The following PFKP variants were observed in gnomAD, a reference collection of about 807,000 sequenced individuals.
The protein encoded by PFKP is phosphofructokinase, platelet, also known as ATP-dependent 6-phosphofructokinase, platelet type.
PFKP carries 101 observed loss-of-function variants against 94.3 expected under a neutral mutation model. The ratio of observed to expected loss-of-function variants is 1.07; its 90% CI spans 0.91 to 1.26. PFKP has a LOEUF of 1.26. Ranked by LOEUF, PFKP falls within the 50% of genes most tolerant of loss-of-function variation. The probability of loss-of-function intolerance (pLI) is 0.00; values close to 1 mark genes in which losing one functional copy is unlikely to be tolerated. For synonymous variants in PFKP, 573 were observed against 432.6 expected (o/e 1.32, Z -4.03); for missense variants, 1,145 against 1,103.3 (o/e 1.04, Z -0.53).
chr10:3,101,429 C>T lies in PFKP; in HGVS notation c.329C>T (p.Ala110Val). 1 of 1,607,388 alleles carries T rather than the reference C, an allele frequency of 6.2e-7. No individual in the cohort carries two copies. Among genetic ancestry groups the T allele is most frequent in the Non-Finnish European group, 8.5e-7 (1 of 1,177,624 alleles). Residue 110 changes from alanine (A) to valine (V), a missense_variant, in exon 4 of 22, where the codon GCT becomes GTT. Physicochemically the swap from Ala to Val is moderately conservative, Grantham distance 64. Transcript: ENST00000381125. ...CGCACGCGGGAAGGCCGCCTGAAGGCTGCTTGCAACCTGCTGCAGCGCGGC... is the reference window on the plus strand; with the variant it reads ...CGCACGCGGGAAGGCCGCCTGAAGGTTGCTTGCAACCTGCTGCAGCGCGGC... Reference protein sequence around the residue: ...AFRTREGRLKAACNLLQRGIT... With the variant: ...AFRTREGRLKVACNLLQRGIT...
intron 16 of PFKP, among the ~76,000 whole-genome samples, chr10:3,125,785 A>C (rs1378924391): frequency 6.6e-6 from 1 of 152,176 alleles, no homozygotes; most frequent in African/African-American, 2.4e-5. Context: ...TGTGGTGCTG[A>C]CACCCACATG....
rs368880362 is a variant in PFKP at position 3,118,880 on chromosome 10, G to T, written c.1530+11G>T. ...ATCGGTGGATTCGAGGTACGTTACCGTTTCTCTCTTGCCGGTCTTGCAGGT... is the reference window on the plus strand; with the variant it reads ...ATCGGTGGATTCGAGGTACGTTACCTTTTCTCTCTTGCCGGTCTTGCAGGT... On this transcript the variant is annotated intron_variant, in intron 15 of 21. Transcript: ENST00000381125. 1.9e-6 allele frequency: 3 copies of T among 1,604,914 alleles called. No homozygotes were observed. The highest frequency in any genetic ancestry group is 2.7e-5 in the African/African-American group (2 of 74,700).
rs530637758 is a variant in PFKP at position 3,096,940 on chromosome 10, T to C, written c.187-2335T>C. Among the ~76,000 whole-genome samples the C allele has an allele frequency of 5.0e-5, 6 of 121,012 alleles. 2 individuals are homozygous for C. The East Asian group carries it at 1.4e-3, about 28-fold the overall frequency. The allele number at this position is 121,012 out of a possible 152,430, so 79.4% of individuals were successfully genotyped here. ...AAAAATACAAAAAATTAGCCGGGCGTGGTGGCGGGTGCCTGTAGTCCCAGC... is the reference window on the plus strand; with the variant it reads ...AAAAATACAAAAAATTAGCCGGGCGCGGTGGCGGGTGCCTGTAGTCCCAGC... On this transcript the variant is annotated intron_variant, in intron 2 of 21. Coordinates refer to ENST00000381125, the MANE Select transcript of PFKP (RefSeq NM_002627.5).
Position 3,096,988 on chromosome 10 carries a change from G to C in PFKP, c.187-2287G>C, listed in dbSNP as rs113344952. 4.8e-4 allele frequency among the ~76,000 whole-genome samples: 55 copies of C among 114,846 alleles called. 16 individuals are homozygous for C. In the Middle Eastern group the frequency reaches 0.019, roughly 40 times the overall value. The allele number at this position is 114,846 out of a possible 152,430, so 75.3% of individuals were successfully genotyped here. ...AGCTACTAAGGAGGCTGAGGTGGGA[G>C]AATGGCAGGAACCCGGGAGGCGGAG... On this transcript the variant is annotated intron_variant, in intron 2 of 21. Coordinates refer to ENST00000381125, the MANE Select transcript of PFKP (RefSeq NM_002627.5).
intron 17 of PFKP, among the ~76,000 whole-genome samples, chr10:3,131,552 G>T (rs146118684): frequency 0.016 from 2,384 of 152,274 alleles, 60 homozygotes; most frequent in African/African-American, 0.052. Flanking sequence ...CGCCTCCTGG[G>T]TTTAAGCAAT....
chr10:3,107,384 T>C, intron 8 of PFKP, 75 bp downstream of exon 8: 1 of 875,752 alleles, frequency 1.1e-6, no homozygotes, highest in South Asian at 1.4e-5. Context: ...TGGGCAGGCT[T>C]GGTTTAGAAC....
intron 10 of PFKP, among the ~76,000 whole-genome samples, chr10:3,109,833 CGA>C (rs113099164): frequency 6.6e-6 from 1 of 151,382 alleles, no homozygotes; most frequent in Non-Finnish European, 1.5e-5. Flanking sequence ...GGGAGGCAGC[CGA>C]GAGAGAGAGA....
At chr10:3,107,935 A>C in intron 8 of PFKP, 1 of 1,289,648 alleles carries the variant, frequency 7.8e-7, no homozygotes, top group East Asian at 5.5e-5. Context: ...CTGTGGCTCC[A>C]GCAGCCACGG....
chr10:3,100,457 G>A (rs1037198003), intron 3 of PFKP, among the ~76,000 whole-genome samples: 2 of 152,148 alleles, frequency 1.3e-5, no homozygotes, highest in Admixed American at 1.3e-4. Flanking sequence ...GCTTTTCTGG[G>A]ATTTGGAATA....
Position 3,135,410 on chromosome 10 carries a change from C to G in PFKP, c.2123-326C>G, listed in dbSNP as rs572686132. ...ATTTAGCTATGGATGCTTTTTGCCT[C>G]TCAGTGTGTGTATGTGTGAGCATAA... On this transcript the variant is annotated intron_variant, in intron 20 of 21. Coordinates refer to ENST00000381125, the MANE Select transcript of PFKP (RefSeq NM_002627.5). Among the ~76,000 whole-genome samples, 57 of 124,816 alleles carry G rather than the reference C, an allele frequency of 4.6e-4. No homozygotes were observed. In the South Asian group the frequency reaches 5.9e-3, roughly 13 times the overall value. 81.9% of individuals were successfully genotyped at this position (124,816 alleles called of 152,430 possible). A position where few individuals can be genotyped will look rare whatever the true frequency, so the allele number is the denominator to read the frequency against.
intron 1 of PFKP, among the ~76,000 whole-genome samples, chr10:3,068,463 C>T (rs909502570): frequency 8.5e-5 from 13 of 152,186 alleles, no homozygotes; most frequent in African/African-American, 3.1e-4. Flanking sequence ...GGTCCCAGGC[C>T]CTCCCCGCCA....
intron 20 of PFKP, 39 bp downstream of exon 20, chr10:3,134,621 C>G (rs779341923): frequency 2.3e-6 from 3 of 1,306,644 alleles, no homozygotes; most frequent in Admixed American, 3.4e-5. Context: ...CCTCGTGATG[C>G]AGGCCGTCCT....
intron 17 of PFKP, among the ~76,000 whole-genome samples, chr10:3,130,234 CTGT>C (rs2131709708): frequency 6.6e-6 from 1 of 152,212 alleles, no homozygotes; most frequent in East Asian, 1.9e-4. Context: ...TTGACATAGT[CTGT>C]TGTGTAGTTA....
chr10:3,128,510 C>T (rs980272509), intron 16 of PFKP, among the ~76,000 whole-genome samples: 3 of 152,370 alleles, frequency 2.0e-5, no homozygotes, highest in Admixed American at 2.0e-4. Context: ...AATACTCTCT[C>T]CCACAGCTCT....
At chr10:3,112,933 C>G (rs1391668695) in intron 11 of PFKP, among the ~76,000 whole-genome samples, 186 bp from the exon 12 acceptor site, 2 of 152,252 alleles carry the variant, frequency 1.3e-5, no homozygotes, top group Non-Finnish European at 2.9e-5. Flanking sequence ...CCACCAGACA[C>G]GGACAGCACC....
rs1472008433 is a variant in PFKP at position 3,101,539 on chromosome 10, G to A, written c.439G>A (p.Glu147Lys). ...GAAGGAGTGGAGTGGGCTGCTGGAGGAGCTGGCCAGGAACGGTGAGTGGAC... is the reference window on the plus strand; with the variant it reads ...GAAGGAGTGGAGTGGGCTGCTGGAGAAGCTGGCCAGGAACGGTGAGTGGAC... ...FRKEWSGLLE[E>K]LARNGQIDKE... The change falls in exon 4 of 22, where the codon GAG becomes AAG. Residue 147 changes from glutamate to lysine, a missense_variant. Around this residue, in one of 3 missense-constraint regions of PFKP, gnomAD observed 1,119 missense variants for 1,062.8 expected, o/e 1.05. Transcript: ENST00000381125. The A allele has an allele frequency of 1.9e-6, 3 of 1,553,044 alleles. No individual in the cohort carries two copies. Among genetic ancestry groups the A allele is most frequent in the South Asian group, 2.5e-5 (2 of 81,210 alleles).
chr10:3,101,436 C>G lies in PFKP; in HGVS notation c.336C>G (p.Cys112Trp), dbSNP rs750614095. Reference sequence around the variant, plus strand: ...GGGAAGGCCGCCTGAAGGCTGCTTGCAACCTGCTGCAGCGCGGCATCACCA... The same window carrying G: ...GGGAAGGCCGCCTGAAGGCTGCTTGGAACCTGCTGCAGCGCGGCATCACCA... ...RTREGRLKAA[C>W]NLLQRGITNL... is the part of the protein sequence containing the mutation. Residue 112 changes from cysteine (C) to tryptophan (W), a missense_variant, in exon 4 of 22, where the codon TGC (cysteine) becomes TGG (tryptophan). Around this residue, in one of 3 missense-constraint regions of PFKP, gnomAD observed 1,119 missense variants for 1,062.8 expected, o/e 1.05. Coordinates refer to ENST00000381125, the MANE Select transcript of PFKP (RefSeq NM_002627.5). 2.5e-6 allele frequency: 4 copies of G among 1,609,198 alleles called. No homozygotes were observed. The highest frequency in any genetic ancestry group is 2.5e-6 in the Non-Finnish European group (3 of 1,178,276).
intron 3 of PFKP, among the ~76,000 whole-genome samples, chr10:3,100,131 G>C (rs1160623797): frequency 6.6e-6 from 1 of 151,598 alleles, no homozygotes; most frequent in Non-Finnish European, 1.5e-5. Context: ...CTCCTCTGCA[G>C]CCCAGTTATC....
chr10:3,073,792 T>G (rs541580456), intron 1 of PFKP, among the ~76,000 whole-genome samples: 64 of 152,322 alleles, frequency 4.2e-4, no homozygotes, highest in Non-Finnish European at 8.4e-4. Flanking sequence ...TGTGTCTTAC[T>G]ACGATTAAGA....
Sources: allele counts gnomAD v4.1 joint callset (sites outside exome capture counted in the v4.1 genomes callset), GRCh38; gene constraint gnomAD v4.1.1; regional missense constraint gnomAD v4.1.1; transcripts MANE v1.5; gene names NCBI Gene and HGNC (gene_info 2026-07-23, HGNC 2026-07-21).